The following GRID1 variants were observed in gnomAD, a reference collection of about 807,000 sequenced individuals.
The protein encoded by GRID1 is glutamate receptor ionotropic, delta-1.
GRID1 carries 28 observed loss-of-function variants against 98.0 expected under a neutral mutation model. That is an observed-to-expected ratio of 0.29 (90% CI 0.21 to 0.39). GRID1 has a LOEUF of 0.39. GRID1 is among the 10% of genes least tolerant of loss of function. GRID1 has a pLI of 1.00. For missense variants in GRID1, 1,111 were observed against 1,340.5 expected, an observed-to-expected ratio of 0.83 and a Z score of 2.67; for synonymous variants, 553 against 538.5, an observed-to-expected ratio of 1.03 and a Z score of -0.37.
chr10:85,777,417 C>T (rs1842342263), intron 8 of GRID1, among the ~76,000 whole-genome samples: 1 of 152,192 alleles, frequency 6.6e-6, no homozygotes. Flanking sequence ...CCTTGGAAGA[C>T]TTTAAAATAG....
intron 4 of GRID1, among the ~76,000 whole-genome samples, chr10:85,948,530 G>A (rs10466225): frequency 0.6 from 91,638 of 152,038 alleles, 27,772 homozygotes; most frequent in Middle Eastern, 0.73. Flanking sequence ...TAATTTTTGT[G>A]TAGTAAGCCT....
At chr10:86,230,223 G>A (rs1051726537) in intron 2 of GRID1, among the ~76,000 whole-genome samples, 4 of 151,962 alleles carry the variant, frequency 2.6e-5, no homozygotes, top group African/African-American at 7.3e-5. Context: ...CCCCATCCCA[G>A]AACCACCACC....
At chr10:85,908,013 T>C (rs779073132) in intron 5 of GRID1, among the ~76,000 whole-genome samples, 1 of 152,178 alleles carries the variant, frequency 6.6e-6, no homozygotes, top group Admixed American at 6.5e-5. Flanking sequence ...AGTCTAGGAA[T>C]GGAAGAGAAC....
chr10:86,199,273 C>A (rs1200185605), intron 3 of GRID1, among the ~76,000 whole-genome samples: 1 of 152,110 alleles, frequency 6.6e-6, no homozygotes, highest in Non-Finnish European at 1.5e-5. Flanking sequence ...CTAACAGCAC[C>A]ATGTTTTGGA....
At chr10:86,266,534 G>GA (rs1420484401) in intron 2 of GRID1, among the ~76,000 whole-genome samples, 1 of 152,248 alleles carries the variant, frequency 6.6e-6, no homozygotes, top group African/African-American at 2.4e-5. Flanking sequence ...ACCACAGTCA[G>GA]ATGAGAGGAT....
chr10:86,186,522 C>T (rs187872215), intron 3 of GRID1, among the ~76,000 whole-genome samples: 7 of 152,204 alleles, frequency 4.6e-5, no homozygotes, highest in Admixed American at 4.6e-4. Flanking sequence ...GGACTTTCTG[C>T]TTCTCTAAGG....
chr10:85,979,058 G>A (rs1842510143), intron 4 of GRID1, among the ~76,000 whole-genome samples: 1 of 152,086 alleles, frequency 6.6e-6, no homozygotes, highest in African/African-American at 2.4e-5. Flanking sequence ...GTGGGGTGGG[G>A]GGCTCTAAAA....
chr10:85,747,600 ACC>A (rs1228930196), intron 8 of GRID1, among the ~76,000 whole-genome samples: 6 of 152,094 alleles, frequency 3.9e-5, no homozygotes, highest in Admixed American at 3.9e-4. Context: ...ACTCTCATTC[ACC>A]CCCAGCACCA....
At chr10:86,129,552 G>A (rs1844803896) in intron 4 of GRID1, among the ~76,000 whole-genome samples, 1 of 152,156 alleles carries the variant, frequency 6.6e-6, no homozygotes, top group Non-Finnish European at 1.5e-5. Flanking sequence ...TCTGAATATG[G>A]TGAACTTGAT....
intron 5 of GRID1, among the ~76,000 whole-genome samples, chr10:85,890,631 G>C (rs1461372844): frequency 2.6e-5 from 4 of 152,098 alleles, no homozygotes; most frequent in African/African-American, 9.7e-5. Flanking sequence ...GTCTATGCTG[G>C]AGTTAGAACC....
chr10:86,235,488 C>G (rs1269055970), intron 2 of GRID1, among the ~76,000 whole-genome samples: 1 of 152,216 alleles, frequency 6.6e-6, no homozygotes, highest in Non-Finnish European at 1.5e-5. Flanking sequence ...TCCCCACTAT[C>G]CAGTTTTACA....
intron 5 of GRID1, among the ~76,000 whole-genome samples, chr10:85,896,137 T>G (rs1010631494): frequency 3.9e-5 from 6 of 152,184 alleles, no homozygotes; most frequent in Non-Finnish European, 7.3e-5. Flanking sequence ...TTCATTCACT[T>G]CTATTGGATA....
At position 85,855,716 on chromosome 10, in the gene GRID1, G is replaced by C. The variant is rs113488336; in HGVS notation, c.1113+313C>G. Among the ~76,000 whole-genome samples the C allele has an allele frequency of 8.9e-3, 1,359 of 152,256 alleles. 20 individuals are homozygous for C. Among genetic ancestry groups the C allele is most frequent in the African/African-American group, 0.031 (1,272 of 41,542 alleles). ...TGGGGAGTGGTGTTCTGCATAGAGG[G>C]GTACCTTGCAGACACGGGATAGGCA... is the stretch of plus-strand genomic sequence containing the variant. On this transcript the variant is annotated intron_variant, in intron 7 of 15. Transcript: ENST00000327946.
intron 2 of GRID1, among the ~76,000 whole-genome samples, chr10:86,228,456 C>G (rs11818667): frequency 0.13 from 20,363 of 152,114 alleles, 1,894 homozygotes; most frequent in East Asian, 0.45. Context: ...ATTGGAGCAG[C>G]TGGAAATAGC....
intron 3 of GRID1, among the ~76,000 whole-genome samples, chr10:86,159,676 G>A (rs1021449385): frequency 6.6e-6 from 1 of 152,228 alleles, no homozygotes; most frequent in Non-Finnish European, 1.5e-5. Context: ...GCTTCGCTCA[G>A]CATGCCTGCT....
intron 5 of GRID1, among the ~76,000 whole-genome samples, chr10:85,913,419 G>C (rs576222916): frequency 3.7e-4 from 56 of 152,200 alleles, no homozygotes; most frequent in Non-Finnish European, 6.9e-4. Flanking sequence ...AATGACAACC[G>C]CCACACAGGG....
At chr10:85,933,145 G>C (rs1165426840) in intron 4 of GRID1, among the ~76,000 whole-genome samples, 2 of 151,966 alleles carry the variant, frequency 1.3e-5, no homozygotes, top group African/African-American at 2.4e-5. Context: ...TTGCTCTCCT[G>C]CTCACTCTCT....
At chr10:86,356,851 T>G (rs1218040544) in intron 2 of GRID1, among the ~76,000 whole-genome samples, 1 of 152,134 alleles carries the variant, frequency 6.6e-6, no homozygotes, top group African/African-American at 2.4e-5. Flanking sequence ...GCAGAAGGGA[T>G]GCTCTGAGTT....
At position 85,794,168 on chromosome 10, in the gene GRID1, G is replaced by A. The variant is rs1842505378; in HGVS notation, c.1233+60328C>T. On this transcript the variant is annotated intron_variant, in intron 8 of 15. Transcript: ENST00000327946. Reference sequence around the variant, plus strand: ...GATTGTTTTTACCCAAATGAAGGCTGTAGATTTTCCACTGCTGAGGTTATT... The same window carrying A: ...GATTGTTTTTACCCAAATGAAGGCTATAGATTTTCCACTGCTGAGGTTATT... Among the ~76,000 whole-genome samples the A allele has an allele frequency of 4.6e-5, 7 of 152,288 alleles. No individual in the cohort carries two copies. In the South Asian group the frequency reaches 1.5e-3, roughly 32 times the overall value.
Sources: allele counts gnomAD v4.1 joint callset (sites outside exome capture counted in the v4.1 genomes callset), GRCh38; gene constraint gnomAD v4.1.1; transcripts MANE v1.5; gene names NCBI Gene and HGNC (gene_info 2026-07-23, HGNC 2026-07-21).